GALNT9: variants seen among roughly 807,000 people sequenced by gnomAD.
GALNT9 encodes GalNAc transferase 9.
In GALNT9, 47 loss-of-function variants were observed where a neutral mutation model predicts 63.1. That is an observed-to-expected ratio of 0.75 (90% CI 0.59 to 0.95). GALNT9 has a LOEUF of 0.95. GALNT9 is among the 40% of genes least tolerant of loss of function. The pLI, the probability that GALNT9 is intolerant of heterozygous loss-of-function variation, is 0.00. For synonymous variants in GALNT9, 396 were observed against 365.7 expected (o/e 1.08, Z -0.94); for missense variants, 829 against 874.8 (o/e 0.95, Z 0.66).
At chr12:132,213,480 C>CACACCCACAGT (rs1565988864) in intron 6 of GALNT9, among the ~76,000 whole-genome samples, 52 of 150,664 alleles carry the variant, frequency 3.5e-4, no homozygotes, top group African/African-American at 1.1e-3. Flanking sequence ...ACACTCACAC[C>CACACCCACAGT]CACACACACG....
At chr12:132,226,043 TATAC>T (rs1350018479) in intron 6 of GALNT9, among the ~76,000 whole-genome samples, 2 of 98,512 alleles carry the variant, frequency 2.0e-5, no homozygotes, top group African/African-American at 8.1e-5. Flanking sequence ...CCATACACAC[TATAC>T]ACACACCCCA....
In GALNT9 at chr12:132,199,218, C is replaced by T. The variant is rs775412981; in HGVS notation, c.1453G>A (p.Gly485Ser). 26 of 1,604,212 alleles carry T rather than the reference C, an allele frequency of 1.6e-5. No homozygotes were observed. The highest frequency in any genetic ancestry group is 1.6e-4 in the Middle Eastern group (1 of 6,082). The change falls in exon 9 of 11, where the codon GGC (glycine) becomes AGC (serine). Residue 485 changes from glycine (G) to serine (S), a missense_variant. By Grantham distance (56) the Gly-to-Ser change is moderately conservative (BLOSUM62 0). Coordinates refer to ENST00000328957, the MANE Select transcript of GALNT9 (RefSeq NM_001122636.2). The part of the protein sequence containing the change: ...AYCLDQGAED[G>S]DRAILYPCHG... ...CAGGGGTAGAGGATCGCCCGGTCGC[C>T]GTCCTCCGCTCCCTGGTCCAGACAG...
At chr12:132,251,234 A>G (rs1878905213) in intron 5 of GALNT9, among the ~76,000 whole-genome samples, 2 of 152,220 alleles carry the variant, frequency 1.3e-5, no homozygotes, top group East Asian at 3.8e-4. Context: ...GATCGATACA[A>G]TTTTAACTTT....
Position 132,197,186 on chromosome 12 carries a change from A to T in GALNT9, c.1733T>A (p.Phe578Tyr). The part of the protein sequence containing the change: ...LEVEMSKDAN[F>Y]GLRLVVQRCS... ...CCTCTGTACCACCAGCCGGAGCCCAAAGTTGGCATCTTTGGACATCTCCAC... is the reference window on the plus strand; with the variant it reads ...CCTCTGTACCACCAGCCGGAGCCCATAGTTGGCATCTTTGGACATCTCCAC... The change falls in exon 11 of 11, where the codon TTT becomes TAT. Residue 578 changes from phenylalanine (F) to tyrosine (Y), a missense_variant. Coordinates refer to ENST00000328957, the MANE Select transcript of GALNT9 (RefSeq NM_001122636.2). 1 of 1,614,046 alleles carries T rather than the reference A, an allele frequency of 6.2e-7. No homozygotes were observed. Among genetic ancestry groups the T allele is most frequent in the Non-Finnish European group, 8.5e-7 (1 of 1,180,018 alleles).
chr12:132,247,217 G>C (rs1878736169), intron 6 of GALNT9, among the ~76,000 whole-genome samples: 1 of 152,098 alleles, frequency 6.6e-6, no homozygotes, highest in African/African-American at 2.4e-5. Context: ...CCGGGAGGCA[G>C]AAGCCCGGCC....
chr12:132,249,464 T>C (rs1335995762), intron 5 of GALNT9, among the ~76,000 whole-genome samples: 1 of 152,260 alleles, frequency 6.6e-6, no homozygotes, highest in Non-Finnish European at 1.5e-5. Context: ...AATTGTCCTT[T>C]TATTTGTGCA....
intron 10 of GALNT9, 36 bp downstream of exon 10, chr12:132,197,756 C>CCCCAA (rs762973348): frequency 1.5e-6 from 2 of 1,371,242 alleles, no homozygotes; most frequent in South Asian, 2.6e-5. Context: ...CCCTGCCCCG[C>CCCCAA]CCCAACCCCA....
intron 6 of GALNT9, chr12:132,240,599 C>A (rs2136898784): frequency 2.2e-6 from 1 of 455,340 alleles, no homozygotes; most frequent in Non-Finnish European, 4.4e-6. Context: ...CTGTGGGCTC[C>A]GTGCGTGGCC....
At chr12:132,273,401 G>A (rs905530362) in intron 2 of GALNT9, 1 of 152,486 alleles carries the variant, frequency 6.6e-6, no homozygotes, top group Non-Finnish European at 1.5e-5. Flanking sequence ...GCTGCTGCTG[G>A]CTGCCTCCTG....
chr12:132,329,345 C>T lies in GALNT9; in HGVS notation c.-142G>A. 7.9e-7 allele frequency: 1 copy of T among 1,266,092 alleles called. No homozygotes were observed. The highest frequency in any genetic ancestry group is 1.0e-6 in the Non-Finnish European group (1 of 972,062). The allele number at this position is 1,266,092 out of a possible 1,614,324, so 78.4% of individuals were successfully genotyped here. ...GGCTCGGCCGGAGCTGTCCCTTCAGCACCAGCTCAGCGCGCCGGGCCACGG... is the reference window on the plus strand; with the variant it reads ...GGCTCGGCCGGAGCTGTCCCTTCAGTACCAGCTCAGCGCGCCGGGCCACGG... On this transcript the variant is annotated 5_prime_UTR_variant, in exon 1 of 11. Transcript: ENST00000328957.
Position 132,244,702 on chromosome 12 carries a change from CGGGGGGGCGTGGTGATGGGGCTGGAT to C in GALNT9, c.1077+3182_1077+3207del, listed in dbSNP as rs1878635749. Among the ~76,000 whole-genome samples the C allele has an allele frequency of 1.4e-4, 2 of 14,812 alleles. 1 individual carries two copies. Among genetic ancestry groups the C allele is most frequent in the East Asian group, 4.0e-3 (2 of 498 alleles). 9.7% of individuals were successfully genotyped at this position (14,812 alleles called of 152,430 possible). On this transcript the variant is annotated intron_variant, in intron 6 of 10. Coordinates refer to ENST00000328957, the MANE Select transcript of GALNT9 (RefSeq NM_001122636.2). ...ATGGGGGCGTGGTGATGGGGCTGGA[CGGGGGGGCGTGGTGATGGGGCTGGAT>C]GGGGGGGCGTGGTGATGGGGCTGGA...
intron 1 of GALNT9, among the ~76,000 whole-genome samples, chr12:132,317,778 G>A (rs1868590292): frequency 6.6e-6 from 1 of 152,160 alleles, no homozygotes; most frequent in African/African-American, 2.4e-5. Flanking sequence ...CTTCCAACCA[G>A]GGCAGGGAAA....
At chr12:132,318,538 C>T (rs184143393) in intron 1 of GALNT9, among the ~76,000 whole-genome samples, 62 of 152,258 alleles carry the variant, frequency 4.1e-4, no homozygotes, top group African/African-American at 1.5e-3. Flanking sequence ...AGCATCCACG[C>T]TTGAACCCTG....
chr12:132,284,271 A>ACACC lies in GALNT9; in HGVS notation c.419+1978_419+1979insGGTG, dbSNP rs1555241960. 43 of 151,806 alleles carry ACACC rather than the reference A, an allele frequency of 2.8e-4. 1 individual carries two copies. Among genetic ancestry groups the ACACC allele is most frequent in the African/African-American group, 1.0e-3 (43 of 41,266 alleles). 9.4% of individuals were successfully genotyped at this position (151,806 alleles called of 1,614,324 possible). A position where few individuals can be genotyped will look rare whatever the true frequency, so the allele number is the denominator to read the frequency against. ...CACACCCGCACACATGCAGGTGCAC[A>ACACC]CGCACACACCCACACCCACCCGCAC... On this transcript the variant is annotated intron_variant, in intron 2 of 10. Coordinates refer to ENST00000328957, the MANE Select transcript of GALNT9 (RefSeq NM_001122636.2).
At chr12:132,216,416 C>G (rs932522212) in intron 6 of GALNT9, among the ~76,000 whole-genome samples, 3 of 152,252 alleles carry the variant, frequency 2.0e-5, no homozygotes, top group African/African-American at 7.2e-5. Flanking sequence ...AGACCAGCAC[C>G]AAGCACTCTC....
At chr12:132,311,597 CAG>C (rs1184547531) in intron 1 of GALNT9, among the ~76,000 whole-genome samples, 1 of 152,216 alleles carries the variant, frequency 6.6e-6, no homozygotes, top group Non-Finnish European at 1.5e-5. Flanking sequence ...CAAGTGCCGG[CAG>C]AGAGAGCAGA....
Position 132,262,552 on chromosome 12 carries a change from A to G in GALNT9, c.493T>C (p.Ser165Pro). 6.4e-7 allele frequency: 1 copy of G among 1,551,498 alleles called. No homozygotes were observed. Residue 165 changes from serine (S) to proline (P), a missense_variant, in exon 3 of 11, where the codon TCG becomes CCG. Ser to Pro is a moderately conservative substitution (Grantham distance 74). Transcript: ENST00000328957. Reference sequence around the variant, plus strand: ...CTGTGCACGGAGCGCAGGATGACCGACAGCGCCTCATTGACGAAGATGAAG... The same window carrying G: ...CTGTGCACGGAGCGCAGGATGACCGGCAGCGCCTCATTGACGAAGATGAAG... Reference protein sequence around the residue: ...VVFIFVNEALSVILRSVHSVV... With the variant: ...VVFIFVNEALPVILRSVHSVV...
At chr12:132,210,259 G>A (rs1876895971) in intron 6 of GALNT9, among the ~76,000 whole-genome samples, 1 of 152,256 alleles carries the variant, frequency 6.6e-6, no homozygotes, top group Non-Finnish European at 1.5e-5. Context: ...AACTCCCCCT[G>A]TACATTCAGG....
intron 1 of GALNT9, among the ~76,000 whole-genome samples, chr12:132,295,332 C>T (rs1424173756): frequency 3.3e-5 from 5 of 152,248 alleles, no homozygotes; most frequent in African/African-American, 9.6e-5. Context: ...CAGTGCCGGG[C>T]GCCGTGCAGG....
Sources: allele counts gnomAD v4.1 joint callset (sites outside exome capture counted in the v4.1 genomes callset), GRCh38; gene constraint gnomAD v4.1.1; transcripts MANE v1.5; gene names NCBI Gene and HGNC (gene_info 2026-07-23, HGNC 2026-07-21).